The following F9 variants were observed in gnomAD, a reference collection of about 807,000 sequenced individuals.
F9 encodes the protein Christmas factor.
Under a neutral mutation model 34.1 loss-of-function variants are expected in F9, and 2 were observed. The observed-to-expected ratio is 0.06, with a 90% confidence interval of 0.02 to 0.18. The LOEUF (loss-of-function observed/expected upper bound fraction) is 0.18. F9 is among the 10% of genes least tolerant of loss of function. The pLI, the probability that F9 is intolerant of heterozygous loss-of-function variation, is 1.00. For synonymous variants in F9, 137 were observed against 118.8 expected, an observed-to-expected ratio of 1.15 and a Z score of -1.00; for missense variants, 216 against 345.1, an observed-to-expected ratio of 0.63 and a Z score of 2.96.
In F9 at chrX:139,537,010, T is replaced by A. The variant is rs1191327804; in HGVS notation, c.89T>A (p.Val30Asp). ...LGYLLSAECT[V>D]FLDHENANKI... ...AAAGAATTATTCTTTTACATTTCAGTTTTTCTTGATCATGAAAACGCCAAC... is the reference window on the plus strand; with the variant it reads ...AAAGAATTATTCTTTTACATTTCAGATTTTCTTGATCATGAAAACGCCAAC... The change falls in exon 2 of 8, where the codon GTT becomes GAT. Residue 30 changes from valine (V) to aspartate (D), a missense_variant and splice_region_variant. By Grantham distance (152) the Val-to-Asp change is radical. Transcript: ENST00000218099. 8.3e-7 allele frequency: 1 copy of A among 1,204,767 alleles called. No individual in the cohort carries two copies. The highest frequency in any genetic ancestry group is 2.2e-5 in the Admixed American group (1 of 45,670).
intron 4 of F9, among the ~76,000 whole-genome samples, chrX:139,542,575 G>A (rs1250578073): frequency 1.8e-5 from 2 of 111,864 alleles, no homozygotes; most frequent in Non-Finnish European, 3.8e-5. Flanking sequence ...TAATATAGCC[G>A]GTGGAGCTGA....
chrX:139,532,831 A>G (rs1927374148), intron 1 of F9, among the ~76,000 whole-genome samples: 1 of 112,106 alleles, frequency 8.9e-6, no homozygotes, highest in South Asian at 3.7e-4. Flanking sequence ...GGAGTTTTGT[A>G]TGGTTCCATA....
Position 139,562,259 on chromosome X carries a change from G to A in F9, c.*188G>A. On this transcript the variant is annotated 3_prime_UTR_variant, in exon 8 of 8. Coordinates refer to ENST00000218099, the MANE Select transcript of F9 (RefSeq NM_000133.4). ...TGATTAGAAAATGGAACCACTAGAG[G>A]AATATAATGTGTTAGGAAATTACAG... is the stretch of plus-strand genomic sequence containing the variant. 2.2e-6 allele frequency: 1 copy of A among 445,451 alleles called. No individual in the cohort carries two copies. The highest frequency in any genetic ancestry group is 3.6e-5 in the South Asian group (1 of 27,976). The allele number at this position is 445,451 out of a possible 1,213,427, so 36.7% of individuals were successfully genotyped here.
chrX:139,530,815 C>A lies in F9; in HGVS notation c.51C>A (p.Ile17=). The A allele has an allele frequency of 8.3e-7, 1 of 1,210,900 alleles. No individual in the cohort carries two copies. The highest frequency in any genetic ancestry group is 1.1e-6 in the Non-Finnish European group (1 of 894,469). Residue 17 remains isoleucine, a synonymous_variant, in exon 1 of 8, where the codon ATC becomes ATA. Coordinates refer to ENST00000218099, the MANE Select transcript of F9 (RefSeq NM_000133.4). The stretch of plus-strand genomic sequence containing the variant: ...CAGAATCACCAGGCCTCATCACCAT[C>A]TGCCTTTTAGGATATCTACTCAGTG... The part of the protein sequence containing the change: ...IMAESPGLIT[I]CLLGYLLSAE...
chrX:139,540,962 G>A, intron 3 of F9, 114 bp from the exon 4 acceptor site: 1 of 507,530 alleles, frequency 2.0e-6, no homozygotes. Flanking sequence ...TTCCAGGTCA[G>A]TAGTTTTGCT....
At chrX:139,550,749 A>C (rs1927821071) in intron 5 of F9, among the ~76,000 whole-genome samples, 2 of 112,065 alleles carry the variant, frequency 1.8e-5, no homozygotes, top group Non-Finnish European at 3.8e-5. Flanking sequence ...TTTAGTAAAG[A>C]AACTAAACAC....
chrX:139,536,127 T>C (rs1383718864), intron 1 of F9, among the ~76,000 whole-genome samples: 1 of 107,180 alleles, frequency 9.3e-6, no homozygotes, highest in Non-Finnish European at 1.9e-5. Flanking sequence ...CATATATATA[T>C]ATATATGATA....
rs895713483 is a variant in F9 at position 139,556,821 on chromosome X, A to C, written c.724-3920A>C. On this transcript the variant is annotated intron_variant, in intron 6 of 7. Transcript: ENST00000218099. ...TGACCTAGAGCAAAGGACTAGGCAA[A>C]CCACATCTGTGGGCATAGCAAGCTG... 3.6e-5 allele frequency among the ~76,000 whole-genome samples: 4 copies of C among 112,521 alleles called. No homozygotes were observed. The Admixed American group carries it at 3.8e-4, about 11-fold the overall frequency.
intron 1 of F9, among the ~76,000 whole-genome samples, chrX:139,533,036 G>T (rs144095186): frequency 1.8e-5 from 2 of 111,469 alleles, no homozygotes; most frequent in African/African-American, 3.3e-5. Flanking sequence ...GGAGGGGGCC[G>T]TACCAAGACT....
intron 6 of F9, among the ~76,000 whole-genome samples, chrX:139,551,926 A>G (rs1927854416): frequency 8.9e-6 from 1 of 112,195 alleles, no homozygotes; most frequent in Non-Finnish European, 1.9e-5. Context: ...GCAGTGGCTC[A>G]TGCCAATAAT....
chrX:139,536,779 G>A (rs1005746053), intron 1 of F9, among the ~76,000 whole-genome samples: 3 of 111,885 alleles, frequency 2.7e-5, no homozygotes, highest in Non-Finnish European at 5.6e-5. Context: ...TTAGAAATCT[G>A]ACCTTTTATT....
At chrX:139,554,283 C>G (rs1316950904) in intron 6 of F9, among the ~76,000 whole-genome samples, 1 of 112,241 alleles carries the variant, frequency 8.9e-6, no homozygotes, top group Non-Finnish European at 1.9e-5. Flanking sequence ...TGCATGTGCA[C>G]ACATACACAT....
At chrX:139,543,803 G>A (rs1927656884) in intron 4 of F9, among the ~76,000 whole-genome samples, 1 of 111,460 alleles carries the variant, frequency 9.0e-6, no homozygotes, top group Admixed American at 9.5e-5. Context: ...GACCCCCTTC[G>A]GGACCAGAGA....
intron 7 of F9, 119 bp from the exon 8 acceptor site, chrX:139,561,405 C>A: frequency 1.5e-6 from 1 of 656,706 alleles, no homozygotes. Context: ...AAAATTATCA[C>A]AATATAAGAA....
intron 1 of F9, among the ~76,000 whole-genome samples, chrX:139,533,280 A>T (rs1393429081): frequency 8.9e-6 from 1 of 112,267 alleles, no homozygotes; most frequent in Non-Finnish European, 1.9e-5. Context: ...CTTTAGTCTG[A>T]CTGCCAGAGT....
intron 4 of F9, among the ~76,000 whole-genome samples, chrX:139,543,108 G>A (rs1927639746): frequency 9.2e-6 from 1 of 109,277 alleles, no homozygotes; most frequent in African/African-American, 3.3e-5. Flanking sequence ...CACAGTTTAT[G>A]GGGCATCTCG....
intron 1 of F9, among the ~76,000 whole-genome samples, chrX:139,534,792 G>A (rs776274095): frequency 1.8e-5 from 2 of 111,639 alleles, no homozygotes; most frequent in African/African-American, 6.5e-5. Flanking sequence ...AGGAACGACT[G>A]TAAATGGATG....
chrX:139,551,743 A>G (rs933540150), intron 6 of F9, among the ~76,000 whole-genome samples: 4 of 111,808 alleles, frequency 3.6e-5, no homozygotes, highest in African/African-American at 1.3e-4. Context: ...ATCTACCACT[A>G]TAGTTCTCGT....
At chrX:139,560,010 C>G (rs1849064243) in intron 6 of F9, among the ~76,000 whole-genome samples, 1 of 112,264 alleles carries the variant, frequency 8.9e-6, no homozygotes, top group Admixed American at 9.4e-5. Flanking sequence ...GGACTTGCCT[C>G]TTATCTAATA....
Sources: gnomAD v4.1 joint callset for allele counts (sites outside exome capture counted in the v4.1 genomes callset) on GRCh38, gnomAD v4.1.1 for gene constraint, MANE v1.5 for transcripts, NCBI Gene and HGNC (gene_info 2026-07-23, HGNC 2026-07-21) for gene names.